The following CEACAM19 variants were observed in gnomAD, a reference collection of about 807,000 sequenced individuals.
CEACAM19 encodes CEA cell adhesion molecule 19, also known as cell adhesion molecule CEACAM19.
In CEACAM19, 37 loss-of-function variants were observed where a neutral mutation model predicts 37.6. The observed-to-expected ratio is 0.98, with a 90% CI of 0.76 to 1.29. The LOEUF (loss-of-function observed/expected upper bound fraction) is 1.29. Ranked by LOEUF, CEACAM19 falls within the 50% of genes most tolerant of loss-of-function variation. CEACAM19 has a pLI of 0.00. For missense variants in CEACAM19, 340 were observed against 375.6 expected, an observed-to-expected ratio of 0.91 and a Z score of 0.78; for synonymous variants, 140 against 149.8, an observed-to-expected ratio of 0.93 and a Z score of 0.48.
intron 2 of CEACAM19, among the ~76,000 whole-genome samples, chr19:44,674,652 C>T (rs771528442): frequency 1.1e-4 from 17 of 152,308 alleles, no homozygotes; most frequent in Admixed American, 5.9e-4. Flanking sequence ...ATCCACCCAC[C>T]TCGGCCTCCC....
intron 6 of CEACAM19, among the ~76,000 whole-genome samples, chr19:44,681,863 G>A (rs1446967751): frequency 6.6e-6 from 1 of 152,002 alleles, no homozygotes; most frequent in African/African-American, 2.4e-5. Flanking sequence ...CCAGGAGGTG[G>A]AGGTTGCAGT....
At chr19:44,666,243 A>C (rs1323635405) in intron 1 of CEACAM19, 1 of 152,220 alleles carries the variant, frequency 6.6e-6, no homozygotes. Flanking sequence ...AGGGAAGGAG[A>C]CAGAGAGAGT....
upstream of CEACAM19, among the ~76,000 whole-genome samples, chr19:44,671,114 G>T (rs563335367): frequency 5.3e-4 from 78 of 146,902 alleles, no homozygotes; most frequent in African/African-American, 2.1e-3. Context: ...AGAAAAACAC[G>T]AGGCTAAGAG....
intron 3 of CEACAM19, chr19:44,678,533 C>T (rs1328399075): frequency 1.5e-5 from 3 of 196,006 alleles, no homozygotes; most frequent in Admixed American, 6.2e-5. Context: ...GCCTCAGCTT[C>T]CTGAGTAGCT....
intron 6 of CEACAM19, 47 bp downstream of exon 6, chr19:44,681,359 G>T: frequency 7.5e-7 from 1 of 1,329,528 alleles, no homozygotes; most frequent in African/African-American, 1.4e-5. Flanking sequence ...GCTAACAGGC[G>T]CCTCCTCTCT....
chr19:44,681,373 C>T, intron 6 of CEACAM19, 61 bp downstream of exon 6: 1 of 1,121,432 alleles, frequency 8.9e-7, no homozygotes, highest in Non-Finnish European at 1.3e-6. Context: ...CCTCTCTGAG[C>T]TGGCTGTGGT....
At chr19:44,668,108 TTA>T (rs1311141166), upstream of CEACAM19, among the ~76,000 whole-genome samples, 1 of 84,840 alleles carries the variant, frequency 1.2e-5, no homozygotes, top group Non-Finnish European at 2.0e-5. Context: ...ATATAATATT[TTA>T]TATAATATGT....
At chr19:44,670,802 A>C (rs947586710), upstream of CEACAM19, among the ~76,000 whole-genome samples, 16 of 140,222 alleles carry the variant, frequency 1.1e-4, no homozygotes, top group Non-Finnish European at 2.0e-4. Flanking sequence ...AAAAAAAAAA[A>C]AAAAAAAAAC....
chr19:44,679,470 C>T (rs1179296878), intron 4 of CEACAM19, among the ~76,000 whole-genome samples: 5 of 151,826 alleles, frequency 3.3e-5, no homozygotes, highest in Non-Finnish European at 7.4e-5. Context: ...AGAGCATGGG[C>T]CAGGCATGGT....
upstream of CEACAM19, among the ~76,000 whole-genome samples, chr19:44,671,125 CTT>C (rs112662657): frequency 2.0e-4 from 29 of 143,230 alleles, no homozygotes; most frequent in African/African-American, 3.8e-4. Context: ...AGGCTAAGAG[CTT>C]TTTTTTTTTT....
intron 2 of CEACAM19, among the ~76,000 whole-genome samples, chr19:44,674,048 T>G (rs938042037): frequency 1.3e-5 from 2 of 152,024 alleles, no homozygotes; most frequent in African/African-American, 4.8e-5. Context: ...GAGTTCGAGA[T>G]CACCCTGGCC....
intron 2 of CEACAM19, among the ~76,000 whole-genome samples, chr19:44,675,098 G>A (rs554126077): frequency 7.8e-5 from 1 of 12,852 alleles, no homozygotes; most frequent in African/African-American, 3.7e-4. Flanking sequence ...AGAGAACAGC[G>A]TGTGTGTGTG....
chr19:44,681,702 G>A (rs1017520405), intron 6 of CEACAM19, among the ~76,000 whole-genome samples: 3 of 152,070 alleles, frequency 2.0e-5, no homozygotes, highest in Non-Finnish European at 2.9e-5. Context: ...AGCCAAGGTG[G>A]GTGGATCACC....
upstream of CEACAM19, among the ~76,000 whole-genome samples, chr19:44,670,555 A>G (rs1973836803): frequency 6.6e-6 from 1 of 150,768 alleles, no homozygotes; most frequent in African/African-American, 2.4e-5. Flanking sequence ...CATGCCTGTA[A>G]TCCCAGCTAC....
At position 44,681,280 on chromosome 19, in the gene CEACAM19, A is replaced by C; in HGVS notation, c.760A>C (p.Ile254Leu). 6.2e-7 allele frequency: 1 copy of C among 1,613,940 alleles called. No homozygotes were observed. The highest frequency in any genetic ancestry group is 1.1e-5 in the South Asian group (1 of 91,058). Residue 254 changes from isoleucine (I) to leucine (L), a missense_variant, in exon 6 of 8, where the codon ATC becomes CTC. Coordinates refer to ENST00000358777, the MANE Select transcript of CEACAM19 (RefSeq NM_001127893.3). ...MPSPVLLVSP[I>L]SDTRSINPAR... ...CTCTCCAGTCCTCCTGGTGTCCCCC[A>C]TCAGTGACACAAGGTCCATAAACCC...
At chr19:44,679,623 C>A (rs1478583020) in intron 4 of CEACAM19, among the ~76,000 whole-genome samples, 8 of 152,270 alleles carry the variant, frequency 5.3e-5, no homozygotes, top group Non-Finnish European at 1.5e-5. Context: ...GTGGCAGGTG[C>A]CTGTAGTCCC....
Position 44,671,962 on chromosome 19 carries a change from T to C in CEACAM19, c.31T>C (p.Phe11Leu), listed in dbSNP as rs766643942. ...GATTCCCATGGGGACCCAGGGCTGC[T>C]TCTCAAAGAGCCTCCTGCTCTCAGG... is the stretch of plus-strand genomic sequence containing the variant. The part of the protein sequence containing the change: MEIPMGTQGC[F>L]SKSLLLSASI... The change falls in exon 1 of 8, where the codon TTC becomes CTC. Residue 11 changes from phenylalanine (F) to leucine (L), a missense_variant. Coordinates refer to ENST00000358777, the MANE Select transcript of CEACAM19 (RefSeq NM_001127893.3). The C allele has an allele frequency of 7.5e-6, 12 of 1,606,842 alleles. 1 individual carries two copies. Among genetic ancestry groups the C allele is most frequent in the Non-Finnish European group, 8.5e-6 (10 of 1,176,998 alleles).
chr19:44,681,103 T>G, intron 5 of CEACAM19, 124 bp from the exon 6 acceptor site: 1 of 697,070 alleles, frequency 1.4e-6, no homozygotes, highest in Non-Finnish European at 2.5e-6. Flanking sequence ...AGCACTGGGT[T>G]TGGCTAGAAG....
At chr19:44,682,795 G>C in intron 7 of CEACAM19, 175 bp downstream of exon 7, 1 of 581,926 alleles carries the variant, frequency 1.7e-6, no homozygotes, top group Non-Finnish European at 3.0e-6. Flanking sequence ...AGAGACCCTG[G>C]CAAGTCCCTT....
Sources: allele counts gnomAD v4.1 joint callset (sites outside exome capture counted in the v4.1 genomes callset), GRCh38; gene constraint gnomAD v4.1.1; transcripts MANE v1.5; gene names NCBI Gene and HGNC (gene_info 2026-07-23, HGNC 2026-07-21).